EPHB1: variants seen among roughly 807,000 people sequenced by gnomAD.
EPHB1 encodes EPH receptor B1.
Under a neutral mutation model 94.4 loss-of-function variants are expected in EPHB1, and 30 were observed. The observed-to-expected ratio is 0.32, with a 90% CI of 0.24 to 0.43. The LOEUF (loss-of-function observed/expected upper bound fraction) is 0.43, where lower values mean the gene tolerates loss of function less well. EPHB1 is among the 20% of genes least tolerant of loss of function. The pLI, the probability that EPHB1 is intolerant of heterozygous loss-of-function variation, is 1.00. For synonymous variants in EPHB1, 522 were observed against 489.1 expected (o/e 1.07, Z -0.89); for missense variants, 1,055 against 1,308.3 (o/e 0.81, Z 2.99).
chr3:135,048,151 AAGG>A (rs1937055717), intron 3 of EPHB1, among the ~76,000 whole-genome samples: 1 of 150,848 alleles, frequency 6.6e-6, no homozygotes, highest in East Asian at 2.0e-4. Context: ...AGGTGCTGGG[AAGG>A]AGGAGGGAAG....
intron 15 of EPHB1, among the ~76,000 whole-genome samples, chr3:135,250,844 C>T (rs957696355): frequency 1.3e-5 from 2 of 152,092 alleles, no homozygotes; most frequent in South Asian, 2.1e-4. Context: ...CATCAGTCTG[C>T]GAACACGTAT....
At chr3:135,239,225 C>T (rs760895161) in intron 12 of EPHB1, among the ~76,000 whole-genome samples, 4 of 152,166 alleles carry the variant, frequency 2.6e-5, no homozygotes, top group South Asian at 2.1e-4. Context: ...AGCCTGGTTG[C>T]CTTTATTCCT....
rs1023277980 is a variant in EPHB1, at chr3:134,905,839, G to T, written c.59-19977G>T. Reference sequence around the variant, plus strand: ...TCCCCATGATTCCCAGGCAGTCCTTGGACTGTTTCGATTGAGCATCTTGCT... The same window carrying T: ...TCCCCATGATTCCCAGGCAGTCCTTTGACTGTTTCGATTGAGCATCTTGCT... On this transcript the variant is annotated intron_variant, in intron 1 of 15. Coordinates refer to ENST00000398015, the MANE Select transcript of EPHB1 (RefSeq NM_004441.5). Among the ~76,000 whole-genome samples the T allele has an allele frequency of 2.0e-5, 3 of 152,156 alleles. No homozygotes were observed. In the South Asian group the frequency reaches 6.2e-4, roughly 32 times the overall value.
chr3:135,176,719 C>T (rs1017475966), intron 9 of EPHB1, among the ~76,000 whole-genome samples: 1 of 152,216 alleles, frequency 6.6e-6, no homozygotes, highest in Non-Finnish European at 1.5e-5. Flanking sequence ...ATAGCTCCTT[C>T]CTTGAACTGA....
chr3:135,004,280 A>G (rs564884802), intron 3 of EPHB1, among the ~76,000 whole-genome samples: 108 of 151,242 alleles, frequency 7.1e-4, no homozygotes, highest in African/African-American at 1.1e-3. Context: ...AATGTTGAAT[A>G]TTGGCCCCCA....
At chr3:134,999,090 C>T (rs1179832837) in intron 3 of EPHB1, among the ~76,000 whole-genome samples, 4 of 152,146 alleles carry the variant, frequency 2.6e-5, no homozygotes, top group Non-Finnish European at 4.4e-5. Context: ...CAAGTAAACC[C>T]GATACCTGGT....
At chr3:135,143,446 G>C (rs544933644) in intron 5 of EPHB1, among the ~76,000 whole-genome samples, 3 of 152,296 alleles carry the variant, frequency 2.0e-5, no homozygotes, top group East Asian at 3.9e-4. Flanking sequence ...GGGTGGTGGT[G>C]GTGGGTCCTC....
chr3:135,232,985 C>T (rs1943568233), intron 12 of EPHB1, among the ~76,000 whole-genome samples: 1 of 152,210 alleles, frequency 6.6e-6, no homozygotes, highest in South Asian at 2.1e-4. Context: ...TCTATTACAA[C>T]ACACAGGGAT....
At chr3:134,889,450 G>T (rs1480461604) in intron 1 of EPHB1, among the ~76,000 whole-genome samples, 3 of 152,106 alleles carry the variant, frequency 2.0e-5, no homozygotes, top group Non-Finnish European at 4.4e-5. Flanking sequence ...AAGCACTGTT[G>T]TGCAGAAACT....
At chr3:135,169,342 C>G (rs1172271510) in intron 9 of EPHB1, among the ~76,000 whole-genome samples, 2 of 152,136 alleles carry the variant, frequency 1.3e-5, no homozygotes, top group African/African-American at 4.8e-5. Flanking sequence ...GGTCTGGGTT[C>G]ACTCCCTTGG....
chr3:134,898,681 G>A (rs74659698), intron 1 of EPHB1, among the ~76,000 whole-genome samples: 4,549 of 152,266 alleles, frequency 0.03, 111 homozygotes, highest in Non-Finnish European at 0.048. Context: ...GTTTGCTTAT[G>A]GAGGAAACAA....
At chr3:135,245,513 C>CAAAAAAAAAAAAAAAA (rs57521935) in intron 13 of EPHB1, among the ~76,000 whole-genome samples, 6 of 124,046 alleles carry the variant, frequency 4.8e-5, no homozygotes, top group African/African-American at 1.0e-4. Context: ...GAACAGTCTT[C>CAAAAAAAAAAAAAAAA]AAAAAAAAAA....
intron 15 of EPHB1, among the ~76,000 whole-genome samples, chr3:135,258,217 A>C (rs984743595): frequency 1.3e-5 from 2 of 152,200 alleles, no homozygotes; most frequent in Non-Finnish European, 2.9e-5. Flanking sequence ...CTATTCGGCC[A>C]TCTTGGCTCC....
intron 3 of EPHB1, among the ~76,000 whole-genome samples, chr3:134,974,566 C>G (rs1040485643): frequency 1.3e-5 from 2 of 151,328 alleles, no homozygotes; most frequent in African/African-American, 4.9e-5. Flanking sequence ...TGTCCCCACC[C>G]CTGCCCCACC....
At chr3:135,208,092 A>T (rs1413957716) in intron 12 of EPHB1, among the ~76,000 whole-genome samples, 4 of 152,180 alleles carry the variant, frequency 2.6e-5, no homozygotes, top group Non-Finnish European at 4.4e-5. Context: ...CGGACTTCAG[A>T]GGCAGAGAGG....
chr3:134,987,102 T>C (rs1315078642), intron 3 of EPHB1, among the ~76,000 whole-genome samples: 1 of 152,138 alleles, frequency 6.6e-6, no homozygotes, highest in African/African-American at 2.4e-5. Context: ...CACTCACTAT[T>C]CCTCAAATGT....
At chr3:135,006,954 C>T (rs888958931) in intron 3 of EPHB1, among the ~76,000 whole-genome samples, 1 of 152,126 alleles carries the variant, frequency 6.6e-6, no homozygotes, top group Non-Finnish European at 1.5e-5. Context: ...GTAGATTTAA[C>T]TTGCATTTCT....
intron 3 of EPHB1, among the ~76,000 whole-genome samples, chr3:135,047,679 GTTTA>G (rs143073617): frequency 1.8e-3 from 269 of 152,218 alleles, no homozygotes; most frequent in African/African-American, 6.0e-3. Context: ...TCATTTCTCT[GTTTA>G]TTTGTTTCTT....
chr3:134,980,454 G>A (rs36116), intron 3 of EPHB1, among the ~76,000 whole-genome samples: 95,925 of 152,052 alleles, frequency 0.63, 32,089 homozygotes, highest in African/African-American at 0.83. Context: ...AGAGATAGAT[G>A]CCACTTCCTA....
Sources: gnomAD v4.1 joint callset for allele counts (sites outside exome capture counted in the v4.1 genomes callset) on GRCh38, gnomAD v4.1.1 for gene constraint, MANE v1.5 for transcripts, NCBI Gene and HGNC (gene_info 2026-07-23, HGNC 2026-07-21) for gene names.